TEN1: variants seen among roughly 807,000 people sequenced by gnomAD.
The protein encoded by TEN1 is CST complex subunit TEN1.
TEN1 carries 6 observed loss-of-function variants against 9.3 expected under a neutral mutation model. The ratio of observed to expected loss-of-function variants is 0.65; its 90% CI spans 0.35 to 1.27. TEN1 has a LOEUF of 1.27. Ranked by LOEUF, TEN1 falls within the 50% of genes most tolerant of loss-of-function variation. The probability of loss-of-function intolerance (pLI) is 0.03; values close to 1 mark genes in which losing one functional copy is unlikely to be tolerated. For missense variants in TEN1, 149 were observed against 158.2 expected, an observed-to-expected ratio of 0.94 and a Z score of 0.31; for synonymous variants, 65 against 65.6, an observed-to-expected ratio of 0.99 and a Z score of 0.04.
intron 2 of TEN1, among the ~76,000 whole-genome samples, chr17:75,990,212 A>AT (rs1171792190): frequency 3.3e-5 from 5 of 151,094 alleles, no homozygotes; most frequent in African/African-American, 1.2e-4. Context: ...TGCCTGGCTA[A>AT]TTTTTTTTAT....
At chr17:75,988,561 C>CAAAAAAA (rs1189354019) in intron 2 of TEN1, among the ~76,000 whole-genome samples, 16 of 28,972 alleles carry the variant, frequency 5.5e-4, no homozygotes, top group Non-Finnish European at 7.8e-4. Context: ...GATCCTGCCT[C>CAAAAAAA]AAAAAAAAAA....
intron 3 of TEN1, among the ~76,000 whole-genome samples, chr17:75,996,925 G>T (rs1249717300): frequency 6.6e-6 from 1 of 151,856 alleles, no homozygotes; most frequent in Non-Finnish European, 1.5e-5. Flanking sequence ...CCGGCTCCTC[G>T]GGTGTGTCAG....
intron 2 of TEN1, 64 bp downstream of exon 2, chr17:75,986,348 C>CA: frequency 7.7e-7 from 1 of 1,290,586 alleles, no homozygotes; most frequent in Non-Finnish European, 1.1e-6. Flanking sequence ...TCTCTACCTC[C>CA]AAAAAGACAT....
intron 3 of TEN1, among the ~76,000 whole-genome samples, chr17:75,995,607 G>A (rs111353923): frequency 6.6e-6 from 1 of 152,182 alleles, no homozygotes; most frequent in South Asian, 2.1e-4. Flanking sequence ...GCCATCCAAA[G>A]GCCCGAGGGC....
Position 75,979,274 on chromosome 17 carries a change from G to A in TEN1, c.-244G>A. On this transcript the variant is annotated 5_prime_UTR_variant, in exon 1 of 4. Transcript: ENST00000397640. ...CGTGAGTGACAGCGGCCCAGACAGA[G>A]GGGGCGATGTCCGCGTCGTGGCTGG... is the stretch of plus-strand genomic sequence containing the variant. The A allele has an allele frequency of 1.4e-6, 1 of 709,898 alleles. No individual in the cohort carries two copies. The highest frequency in any genetic ancestry group is 2.4e-6 in the Non-Finnish European group (1 of 419,968). The allele number at this position is 709,898 out of a possible 1,614,324, so 44.0% of individuals were successfully genotyped here. A position where few individuals can be genotyped will look rare whatever the true frequency, so the allele number is the denominator to read the frequency against.
intron 3 of TEN1, among the ~76,000 whole-genome samples, chr17:75,999,429 A>C (rs2066239106): frequency 6.6e-6 from 1 of 151,378 alleles, no homozygotes; most frequent in South Asian, 2.1e-4. Flanking sequence ...TGCAACCTCC[A>C]CCTCCTGGGT....
Position 76,000,465 on chromosome 17 carries a change from A to T in TEN1, c.*203A>T, listed in dbSNP as rs1348832242. 1.3e-6 allele frequency: 1 copy of T among 785,594 alleles called. No individual in the cohort carries two copies. The highest frequency in any genetic ancestry group is 2.9e-5 in the East Asian group (1 of 34,046). The allele number at this position is 785,594 out of a possible 1,614,324, so 48.7% of individuals were successfully genotyped here. ...ACCCAGAAAGCATGCCATAAATCCGACAGCCCCACCCCAGGAGACTGCAGG... is the reference window on the plus strand; with the variant it reads ...ACCCAGAAAGCATGCCATAAATCCGTCAGCCCCACCCCAGGAGACTGCAGG... On this transcript the variant is annotated 3_prime_UTR_variant, in exon 4 of 4. Coordinates refer to ENST00000397640, the MANE Select transcript of TEN1 (RefSeq NM_001113324.3). This position sits in a 1 kb window ranked among gnomAD's most constrained non-coding sequence, Gnocchi z 5.9.
chr17:75,989,564 A>G (rs576439180), intron 2 of TEN1, among the ~76,000 whole-genome samples: 2 of 149,964 alleles, frequency 1.3e-5, no homozygotes, highest in East Asian at 4.0e-4. Flanking sequence ...GGCGTGCCCC[A>G]CCACACCCAG....
At chr17:75,998,686 G>T (rs1200029934) in intron 3 of TEN1, among the ~76,000 whole-genome samples, 1 of 151,746 alleles carries the variant, frequency 6.6e-6, no homozygotes, top group African/African-American at 2.4e-5. Context: ...CTAGAACATT[G>T]AATCTATTTA....
chr17:75,987,219 G>A (rs1369846402), intron 2 of TEN1, among the ~76,000 whole-genome samples: 1 of 152,204 alleles, frequency 6.6e-6, no homozygotes, highest in Non-Finnish European at 1.5e-5. Context: ...GGTCGCTCAT[G>A]GGAGTGGCAT....
In TEN1 at chr17:75,993,790, A is replaced by G. The variant is rs2066201873; in HGVS notation, c.250+2167A>G. 2.0e-5 allele frequency among the ~76,000 whole-genome samples: 3 copies of G among 152,008 alleles called. 1 individual carries two copies. The South Asian group carries it at 6.2e-4, about 32-fold the overall frequency. On this transcript the variant is annotated intron_variant, in intron 3 of 3. Transcript: ENST00000397640. Reference sequence around the variant, plus strand: ...GGCGGGCGGATCTCGAGGTCAGGAGATTGAGACCATCCTGGCTAACATGGC... The same window carrying G: ...GGCGGGCGGATCTCGAGGTCAGGAGGTTGAGACCATCCTGGCTAACATGGC...
At chr17:75,985,388 T>A (rs1017683254) in intron 1 of TEN1, among the ~76,000 whole-genome samples, 2 of 152,156 alleles carry the variant, frequency 1.3e-5, no homozygotes, top group Non-Finnish European at 2.9e-5. Flanking sequence ...TCTCAAGGGA[T>A]CCACCTGGCT....
At chr17:75,988,435 G>A (rs777453854) in intron 2 of TEN1, among the ~76,000 whole-genome samples, 1 of 150,972 alleles carries the variant, frequency 6.6e-6, no homozygotes, top group South Asian at 2.1e-4. Context: ...GGCAGTGTGC[G>A]CCTGTAGCCC....
In TEN1 at chr17:76,000,153, T is replaced by G. The variant is rs562062613; in HGVS notation, c.263T>G (p.Val88Gly). 5.8e-6 allele frequency: 9 copies of G among 1,551,138 alleles called. No individual in the cohort carries two copies. The African/African-American group carries it at 1.1e-4, about 19-fold the overall frequency. The change falls in exon 4 of 4, where the codon GTG becomes GGG. Residue 88 changes from valine to glycine, a missense_variant. Val to Gly is a moderately radical substitution (Grantham distance 109, BLOSUM62 -3). Coordinates refer to ENST00000397640, the MANE Select transcript of TEN1 (RefSeq NM_001113324.3). The surrounding 1 kb of genome is among the most constrained non-coding windows in gnomAD (Gnocchi z 5.9). ...ELQHQQDRGS[V>G]VKARVLTCVE... is the part of the protein sequence containing the mutation. ...GTTTGTCTTGCAGACAGAGGCTCCG[T>G]GGTGAAGGCGCGCGTGCTGACCTGT...
Position 76,000,175 on chromosome 17 carries a change from C to CTG in TEN1, c.290_291dup (p.Glu98TrpfsTer4). 3.9e-6 allele frequency: 6 copies of CTG among 1,551,538 alleles called. No individual in the cohort carries two copies. The highest frequency in any genetic ancestry group is 5.2e-6 in the Non-Finnish European group (6 of 1,146,948). ...CCGTGGTGAAGGCGCGCGTGCTGACCTGTGTGGAGGGGATGAACCTGCCCT... is the reference window on the plus strand; with the variant it reads ...CCGTGGTGAAGGCGCGCGTGCTGACCTGTGTGTGGAGGGGATGAACCTGCCCT... On this transcript the variant is annotated frameshift_variant, in exon 4 of 4. Coordinates refer to ENST00000397640, the MANE Select transcript of TEN1 (RefSeq NM_001113324.3). LOFTEE classifies it high-confidence loss of function. This position sits in a 1 kb window ranked among gnomAD's most constrained non-coding sequence, Gnocchi z 5.9.
intron 3 of TEN1, among the ~76,000 whole-genome samples, chr17:75,993,981 C>G (rs907753615): frequency 6.7e-6 from 1 of 150,066 alleles, no homozygotes; most frequent in Non-Finnish European, 1.5e-5. Flanking sequence ...CCTGGCAGAG[C>G]GAGACTCCAT....
chr17:75,984,526 G>A (rs1447656317), intron 1 of TEN1: 1 of 152,216 alleles, frequency 6.6e-6, no homozygotes, highest in African/African-American at 2.4e-5. Context: ...ATCCTCCCAA[G>A]TAGCTGGGAT....
At chr17:75,980,667 C>G (rs915033103) in intron 1 of TEN1, among the ~76,000 whole-genome samples, 2 of 152,236 alleles carry the variant, frequency 1.3e-5, no homozygotes, top group Admixed American at 1.3e-4. Context: ...TGTTGATCCA[C>G]CTGCCTCGGC....
intron 1 of TEN1, among the ~76,000 whole-genome samples, chr17:75,980,453 A>T (rs2066109650): frequency 6.7e-6 from 1 of 149,106 alleles, no homozygotes; most frequent in African/African-American, 2.5e-5. Flanking sequence ...CTTGAGACGG[A>T]GTCTCGCTCT....
Sources: gnomAD v4.1 joint callset for allele counts (sites outside exome capture counted in the v4.1 genomes callset) on GRCh38, gnomAD v4.1.1 for gene constraint, Gnocchi (gnomAD v3.1) non-coding constraint, MANE v1.5 for transcripts, NCBI Gene and HGNC (gene_info 2026-07-23, HGNC 2026-07-21) for gene names.